The following TKTL1 variants were observed in gnomAD, a reference collection of about 807,000 sequenced individuals.
TKTL1 encodes transketolase like 1, also known as transketolase-like protein 1.
In TKTL1, 1 loss-of-function variant was observed where a neutral mutation model predicts 39.3. That is an observed-to-expected ratio of 0.03 (90% CI 0.01 to 0.12). TKTL1 has a LOEUF of 0.12. Among genes scored for constraint, TKTL1 ranks in the 10% least tolerant of loss-of-function variants. The probability of loss-of-function intolerance (pLI) is 1.00; values close to 1 mark genes in which losing one functional copy is unlikely to be tolerated. For synonymous variants in TKTL1, 262 were observed against 193.8 expected (o/e 1.35, Z -2.92); for missense variants, 575 against 509.6 (o/e 1.13, Z -1.24).
chrX:154,311,344 G>T, intron 5 of TKTL1, 106 bp downstream of exon 5: 1 of 1,051,659 alleles, frequency 9.5e-7, no homozygotes, highest in South Asian at 2.1e-5. Flanking sequence ...CTCATTTAGT[G>T]AATAGCAGTT....
rs782709796 is a variant in TKTL1 at position 154,321,477 on chromosome X, C to T, written c.1186+564C>T. On this transcript the variant is annotated intron_variant, in intron 8 of 12. Coordinates refer to ENST00000369915, the MANE Select transcript of TKTL1 (RefSeq NM_012253.4). ...CGGGAAGCCAGAGAGGGGATTGAAA[C>T]AAGGTGTGCAAGGTGGTGGGGGAGA... Among the ~76,000 whole-genome samples, 27 of 75,491 alleles carry T rather than the reference C, an allele frequency of 3.6e-4. 1 individual carries two copies. Among genetic ancestry groups the T allele is most frequent in the South Asian group, 7.3e-4 (1 of 1,377 alleles). 65.6% of individuals were successfully genotyped at this position (75,491 alleles called of 115,157 possible). A position where few individuals can be genotyped will look rare whatever the true frequency, so the allele number is the denominator to read the frequency against.
intron 7 of TKTL1, among the ~76,000 whole-genome samples, chrX:154,317,014 C>A (rs1230889543): frequency 9.0e-6 from 1 of 111,008 alleles, no homozygotes; most frequent in African/African-American, 3.3e-5. Flanking sequence ...AGGTGATCTG[C>A]CTGCCTCAGC....
chrX:154,327,709 A>G (rs2067503426), intron 11 of TKTL1, 22 bp downstream of exon 11: 2 of 1,201,510 alleles, frequency 1.7e-6, no homozygotes, highest in Non-Finnish European at 2.3e-6. Flanking sequence ...GAGTATGAGC[A>G]TTGAAGTTCA....
chrX:154,296,521 AT>A (rs1405960339), intron 1 of TKTL1, among the ~76,000 whole-genome samples: 1 of 110,708 alleles, frequency 9.0e-6, no homozygotes, highest in Non-Finnish European at 1.9e-5. Flanking sequence ...AAAATAAAAA[AT>A]GAGTCGGGCA....
At position 154,324,646 on chromosome X, in the gene TKTL1, G is replaced by A. The variant is rs782167143; in HGVS notation, c.1318-693G>A. 2.7e-5 allele frequency among the ~76,000 whole-genome samples: 3 copies of A among 111,644 alleles called. No homozygotes were observed. The South Asian group carries it at 1.1e-3, about 42-fold the overall frequency. On this transcript the variant is annotated intron_variant, in intron 9 of 12. Coordinates refer to ENST00000369915, the MANE Select transcript of TKTL1 (RefSeq NM_012253.4). ...GGCGGAAGCGCTGCTGGGCTTGGAT[G>A]AGGGCTCCACGGCGGATGCAGCATT...
Position 154,295,905 on chromosome X carries a change from C to A in TKTL1, c.46C>A (p.Pro16Thr). 8.3e-7 allele frequency: 1 copy of A among 1,212,059 alleles called. No individual in the cohort carries two copies. The highest frequency in any genetic ancestry group is 1.1e-6 in the Non-Finnish European group (1 of 895,507). Residue 16 changes from proline to threonine, a missense_variant, in exon 1 of 13, where the codon CCT (proline) becomes ACT (threonine). Transcript: ENST00000369915. ...ARAEFPEEAR[P>T]DRGTLQVLQD... The stretch of plus-strand genomic sequence containing the variant: ...GGCTGAGTTCCCGGAGGAGGCCAGA[C>A]CTGACAGGGGCACCTTGCAGGTGTT...
At chrX:154,321,757 C>T (rs782132481) in intron 8 of TKTL1, among the ~76,000 whole-genome samples, 7 of 105,996 alleles carry the variant, frequency 6.6e-5, no homozygotes, top group South Asian at 4.4e-4. Context: ...CAGAGATGCA[C>T]GCTGGAAAGC....
chrX:154,326,431 C>T (rs782235017), intron 10 of TKTL1, among the ~76,000 whole-genome samples: 5 of 112,558 alleles, frequency 4.4e-5, no homozygotes, highest in Middle Eastern at 4.6e-3. Flanking sequence ...CAGTTGAGAT[C>T]ATACTGAATA....
At chrX:154,327,378 C>T (rs782224868) in intron 10 of TKTL1, 33 of 552,081 alleles carry the variant, frequency 6.0e-5, no homozygotes, top group Non-Finnish European at 1.0e-4. Context: ...GGGTATGTGG[C>T]GTATCCATGC....
intron 8 of TKTL1, among the ~76,000 whole-genome samples, chrX:154,321,758 G>A (rs1557170915): frequency 9.4e-6 from 1 of 106,517 alleles, no homozygotes; most frequent in Non-Finnish European, 1.9e-5. Flanking sequence ...AGAGATGCAC[G>A]CTGGAAAGCC....
chrX:154,307,133 C>T (rs900058627), intron 2 of TKTL1, among the ~76,000 whole-genome samples: 2 of 109,448 alleles, frequency 1.8e-5, no homozygotes, highest in Non-Finnish European at 3.8e-5. Flanking sequence ...ATTAGCTGGG[C>T]GTGGTGGTGC....
At chrX:154,316,323 G>T (rs891819385) in intron 7 of TKTL1, among the ~76,000 whole-genome samples, 8 of 111,064 alleles carry the variant, frequency 7.2e-5, no homozygotes, top group Non-Finnish European at 1.5e-4. Flanking sequence ...GTCCGCCTCG[G>T]CCTCCCAAAG....
intron 6 of TKTL1, among the ~76,000 whole-genome samples, chrX:154,313,980 A>G (rs1386675155): frequency 2.7e-5 from 3 of 110,704 alleles, no homozygotes; most frequent in African/African-American, 3.3e-5. Context: ...CCATAGTTGC[A>G]TAATTGGTAT....
intron 11 of TKTL1, 58 bp from the exon 12 acceptor site, chrX:154,327,781 C>T: frequency 3.3e-6 from 4 of 1,206,149 alleles, no homozygotes; most frequent in Admixed American, 2.2e-5. Context: ...TTATTTTTAT[C>T]CCTGCATGTT....
chrX:154,317,708 G>A (rs112558286), intron 7 of TKTL1, among the ~76,000 whole-genome samples: 2,715 of 112,724 alleles, frequency 0.024, 68 homozygotes, highest in African/African-American at 0.072. Context: ...CTGTGGAGTC[G>A]GAGGGAAGCA....
At chrX:154,319,937 A>AG (rs782776871) in intron 7 of TKTL1, among the ~76,000 whole-genome samples, 17 of 111,671 alleles carry the variant, frequency 1.5e-4, no homozygotes, top group African/African-American at 5.5e-4. Context: ...CTTCTGGGGA[A>AG]GGGGGGTAAG....
chrX:154,305,253 C>G, intron 1 of TKTL1, 51 bp from the exon 2 acceptor site: 3 of 1,194,986 alleles, frequency 2.5e-6, no homozygotes, highest in Non-Finnish European at 3.4e-6. Context: ...AGGTCGTGTG[C>G]TAGGAAGCCA....
intron 1 of TKTL1, among the ~76,000 whole-genome samples, chrX:154,297,947 T>C (rs1329282705): frequency 8.9e-6 from 1 of 111,930 alleles, no homozygotes. Context: ...AGACTGTTGT[T>C]AATTTTTCTT....
intron 6 of TKTL1, among the ~76,000 whole-genome samples, chrX:154,313,368 C>CT (rs1265988681): frequency 2.7e-5 from 3 of 112,046 alleles, no homozygotes; most frequent in African/African-American, 9.7e-5. Flanking sequence ...ATGCACAAAA[C>CT]TCTTGAGTAT....
Sources: gnomAD v4.1 joint callset for allele counts (sites outside exome capture counted in the v4.1 genomes callset) on GRCh38, gnomAD v4.1.1 for gene constraint, MANE v1.5 for transcripts, NCBI Gene and HGNC (gene_info 2026-07-23, HGNC 2026-07-21) for gene names.